Variants in RPS6KA2 observed in about 807,000 individuals in gnomAD.
RPS6KA2 encodes ribosomal protein S6 kinase A2.
Under a neutral mutation model 91.8 loss-of-function variants are expected in RPS6KA2, and 42 were observed. The observed-to-expected ratio is 0.46, with a 90% CI of 0.36 to 0.59. The LOEUF (loss-of-function observed/expected upper bound fraction) is 0.59. RPS6KA2 is among the 20% of genes least tolerant of loss of function. The pLI is 0.00. For synonymous variants in RPS6KA2, 414 were observed against 393.6 expected (o/e 1.05, Z -0.61); for missense variants, 798 against 978.5 (o/e 0.82, Z 2.46).
intron 2 of RPS6KA2, among the ~76,000 whole-genome samples, chr6:166,853,158 G>A (rs894317962): frequency 6.6e-6 from 1 of 152,130 alleles, no homozygotes; most frequent in Non-Finnish European, 1.5e-5. Context: ...CATGCAACAG[G>A]GCAGGTGTGG....
At chr6:166,698,197 G>A (rs1789409055) in intron 2 of RPS6KA2, among the ~76,000 whole-genome samples, 1 of 152,202 alleles carries the variant, frequency 6.6e-6, no homozygotes, top group Non-Finnish European at 1.5e-5. Flanking sequence ...AAAATAGAGT[G>A]TCATAAATTT....
At chr6:166,857,909 C>T (rs1780948782) in intron 2 of RPS6KA2, among the ~76,000 whole-genome samples, 1 of 152,220 alleles carries the variant, frequency 6.6e-6, no homozygotes, top group Non-Finnish European at 1.5e-5. Context: ...TACTAATGCA[C>T]CATGACCCTC....
intron 16 of RPS6KA2, among the ~76,000 whole-genome samples, chr6:166,428,725 C>T (rs879831812): frequency 6.6e-6 from 1 of 152,286 alleles, no homozygotes; most frequent in Non-Finnish European, 1.5e-5. Flanking sequence ...CACTGGCCAT[C>T]AGAGAAATGC....
intron 2 of RPS6KA2, among the ~76,000 whole-genome samples, chr6:166,768,796 C>T (rs1020870011): frequency 1.1e-4 from 16 of 152,106 alleles, no homozygotes; most frequent in African/African-American, 3.1e-4. Context: ...ACGGGGTTCC[C>T]GCCTATCAAA....
chr6:166,540,655 A>G (rs1783625188), intron 1 of RPS6KA2, among the ~76,000 whole-genome samples: 1 of 152,198 alleles, frequency 6.6e-6, no homozygotes, highest in South Asian at 2.1e-4. Flanking sequence ...GTGAGGGGAC[A>G]TCACATTTTA....
Position 166,626,943 on chromosome 6 carries a change from C to T in RPS6KA2, c.77G>A (p.Ser26Asn). Residue 26 changes from serine (S) to asparagine (N), a missense_variant, in exon 1 of 21, where the codon AGC becomes AAC. Physicochemically the swap from Ser to Asn is conservative, Grantham distance 46. Coordinates refer to ENST00000265678, the MANE Select transcript of RPS6KA2 (RefSeq NM_021135.6). The surrounding 1 kb of genome is among the most constrained non-coding windows in gnomAD (Gnocchi z 4.1). ...VYLRRKSRSK[S>N]SSLSRLEEEG... Reference sequence around the variant, plus strand: ...TACCTCGAGCCGGCTCAGGCTGGAGCTCTTGGAGCGCGACTTCCTGCGCAG... The same window carrying T: ...TACCTCGAGCCGGCTCAGGCTGGAGTTCTTGGAGCGCGACTTCCTGCGCAG... The T allele has an allele frequency of 6.4e-7, 1 of 1,553,108 alleles. No individual in the cohort carries two copies. The highest frequency in any genetic ancestry group is 8.7e-7 in the Non-Finnish European group (1 of 1,148,298).
At chr6:166,818,509 G>A (rs1779826790) in intron 2 of RPS6KA2, among the ~76,000 whole-genome samples, 1 of 152,188 alleles carries the variant, frequency 6.6e-6, no homozygotes, top group Non-Finnish European at 1.5e-5. Context: ...TTAAGGTGGT[G>A]TCTGCCAGAC....
Position 166,445,496 on chromosome 6 carries a change from G to A in RPS6KA2, c.1332+3228C>T, listed in dbSNP as rs111844066. On this transcript the variant is annotated intron_variant, in intron 14 of 20. Coordinates refer to ENST00000265678, the MANE Select transcript of RPS6KA2 (RefSeq NM_021135.6). The surrounding 1 kb of genome is among the most constrained non-coding windows in gnomAD (Gnocchi z 4.5). ...GGATGCTAACCAGCTTCCCTGACCC[G>A]TATTCACCAATGCCAGGAGCCCCTG... is the stretch of plus-strand genomic sequence containing the variant. 3.6e-3 allele frequency among the ~76,000 whole-genome samples: 543 copies of A among 152,298 alleles called. 5 individuals carry two copies. The highest frequency in any genetic ancestry group is 0.014 in the Middle Eastern group (4 of 294).
chr6:166,588,770 C>T (rs368104299), intron 1 of RPS6KA2, among the ~76,000 whole-genome samples: 2 of 152,150 alleles, frequency 1.3e-5, no homozygotes, highest in Non-Finnish European at 2.9e-5. Context: ...GCTCAGGGCC[C>T]GAAGAGAGTC....
chr6:166,499,343 A>G (rs1030190642), intron 7 of RPS6KA2, among the ~76,000 whole-genome samples: 6 of 152,246 alleles, frequency 3.9e-5, no homozygotes, highest in Non-Finnish European at 7.3e-5. Flanking sequence ...GTAGAGCAGC[A>G]GTGCCCAGAG....
chr6:166,467,575 G>C (rs1336099585), intron 11 of RPS6KA2, among the ~76,000 whole-genome samples: 3 of 152,184 alleles, frequency 2.0e-5, no homozygotes, highest in Admixed American at 6.5e-5. Flanking sequence ...TGGGAGACTT[G>C]GGCAGGAGGG....
intron 10 of RPS6KA2, among the ~76,000 whole-genome samples, chr6:166,485,555 A>G (rs965519791): frequency 1.3e-5 from 2 of 152,200 alleles, no homozygotes; most frequent in African/African-American, 4.8e-5. Context: ...ACAATCTGGA[A>G]GACTCAGATC....
chr6:166,699,779 C>CT (rs1021925195), intron 2 of RPS6KA2, among the ~76,000 whole-genome samples: 3 of 152,212 alleles, frequency 2.0e-5, no homozygotes, highest in East Asian at 3.9e-4. Context: ...TATCTTTTGA[C>CT]TTTTTTTTCC....
At chr6:166,692,501 T>C (rs935893924) in intron 2 of RPS6KA2, among the ~76,000 whole-genome samples, 3 of 152,184 alleles carry the variant, frequency 2.0e-5, no homozygotes, top group Non-Finnish European at 4.4e-5. Flanking sequence ...CAGGAAACTT[T>C]TGCAAGCCAA....
At chr6:166,558,147 G>A (rs1784230690) in intron 1 of RPS6KA2, among the ~76,000 whole-genome samples, 1 of 147,570 alleles carries the variant, frequency 6.8e-6, no homozygotes, top group Non-Finnish European at 1.5e-5. Context: ...CTATGTATGT[G>A]GGGAGAGAGA....
intron 2 of RPS6KA2, among the ~76,000 whole-genome samples, chr6:166,531,524 A>G (rs546106516): frequency 1.6e-4 from 24 of 152,368 alleles, no homozygotes; most frequent in Admixed American, 1.4e-3. Context: ...ATGTGCCTGT[A>G]TGAAGAAGCG....
rs116309880 is a variant in RPS6KA2, at chr6:166,510,165, T to C, written c.379+112A>G. 3.0e-3 allele frequency: 1,887 copies of C among 624,738 alleles called. 27 individuals carry two copies. The African/African-American group carries it at 0.032, about 11-fold the overall frequency. 38.7% of individuals were successfully genotyped at this position (624,738 alleles called of 1,614,324 possible). ...CCTCCCCAGGCAGGGCAGGACTCTA[T>C]GGTATAGGAAAGATTTTCTTCTTTC... On this transcript the variant is annotated intron_variant, in intron 4 of 20. Coordinates refer to ENST00000265678, the MANE Select transcript of RPS6KA2 (RefSeq NM_021135.6).
At chr6:166,838,361 T>C (rs964041929) in intron 2 of RPS6KA2, among the ~76,000 whole-genome samples, 4 of 152,190 alleles carry the variant, frequency 2.6e-5, no homozygotes, top group Non-Finnish European at 5.9e-5. Context: ...TCAATGATAA[T>C]AGCATTGTGC....
chr6:166,586,065 A>G, intron 1 of RPS6KA2: 1 of 969,336 alleles, frequency 1.0e-6, no homozygotes, highest in East Asian at 2.7e-5. Flanking sequence ...AAGACACCCA[A>G]ACTTTTCTCA....
Sources: gnomAD v4.1 joint callset for allele counts (sites outside exome capture counted in the v4.1 genomes callset) on GRCh38, gnomAD v4.1.1 for gene constraint, Gnocchi (gnomAD v3.1) non-coding constraint, MANE v1.5 for transcripts, NCBI Gene and HGNC (gene_info 2026-07-23, HGNC 2026-07-21) for gene names.